The following NCK1 variants were observed in gnomAD, a reference collection of about 807,000 sequenced individuals.
NCK1 encodes the protein SH2/SH3 adapter protein NCK1.
A neutral mutation model predicts 36.6 loss-of-function variants in NCK1; 19 were observed. That is an observed-to-expected ratio of 0.52 (90% confidence interval 0.36 to 0.76). The LOEUF is 0.76. Among genes scored for constraint, NCK1 ranks in the 30% least tolerant of loss-of-function variants. The pLI is 0.00. For missense variants in NCK1, 358 were observed against 445.6 expected, an observed-to-expected ratio of 0.80 and a Z score of 1.77; for synonymous variants, 165 against 156.0, an observed-to-expected ratio of 1.06 and a Z score of -0.43.
At chr3:136,923,508 TCG>T (rs1171105600) in intron 1 of NCK1, among the ~76,000 whole-genome samples, 1 of 151,656 alleles carries the variant, frequency 6.6e-6, no homozygotes, top group African/African-American at 2.4e-5. Context: ...TGAGCCAGGG[TCG>T]CTCCACTGCA....
intron 2 of NCK1, among the ~76,000 whole-genome samples, chr3:136,944,567 G>C (rs867019005): frequency 1.3e-5 from 2 of 152,208 alleles, no homozygotes; most frequent in Middle Eastern, 3.2e-3. Context: ...AAAGATATGA[G>C]TGTGTTTTTA....
chr3:136,931,837 T>C (rs1400490303), intron 2 of NCK1, among the ~76,000 whole-genome samples: 1 of 152,146 alleles, frequency 6.6e-6, no homozygotes, highest in Non-Finnish European at 1.5e-5. Flanking sequence ...GAATCCATTG[T>C]GGCTAGGCGT....
chr3:136,878,517 G>A (rs906087600), intron 1 of NCK1, among the ~76,000 whole-genome samples: 4 of 152,148 alleles, frequency 2.6e-5, no homozygotes, highest in African/African-American at 9.7e-5. Context: ...TGGTTGCATA[G>A]GACTGGGAGT....
chr3:136,934,038 A>T (rs1430371566), intron 2 of NCK1, among the ~76,000 whole-genome samples: 1 of 152,138 alleles, frequency 6.6e-6, no homozygotes, highest in African/African-American at 2.4e-5. Flanking sequence ...ATTAAACACC[A>T]TAAGCACTAG....
At chr3:136,930,979 ACT>A (rs1491345558) in intron 2 of NCK1, among the ~76,000 whole-genome samples, 1 of 79,892 alleles carries the variant, frequency 1.3e-5, no homozygotes, top group Non-Finnish European at 2.8e-5. Context: ...TTTGGAATTA[ACT>A]TTTTTTTTTT....
chr3:136,938,737 G>T (rs951561997), intron 2 of NCK1, among the ~76,000 whole-genome samples: 1 of 152,172 alleles, frequency 6.6e-6, no homozygotes, highest in Non-Finnish European at 1.5e-5. Context: ...TGTCTTTAAA[G>T]AGAAACACAC....
intron 2 of NCK1, among the ~76,000 whole-genome samples, chr3:136,942,689 C>T (rs959256409): frequency 8.5e-5 from 13 of 152,192 alleles, no homozygotes; most frequent in Non-Finnish European, 1.8e-4. Context: ...TGGCCATGTG[C>T]ACGTCCTTCT....
chr3:136,928,616 C>A (rs761706096), intron 2 of NCK1: 13 of 172,272 alleles, frequency 7.5e-5, no homozygotes, highest in Non-Finnish European at 1.3e-4. Flanking sequence ...ATGTTTTGAA[C>A]TTCACTTAAA....
At chr3:136,897,501 C>A (rs550332605) in intron 1 of NCK1, among the ~76,000 whole-genome samples, 1 of 152,154 alleles carries the variant, frequency 6.6e-6, no homozygotes, top group Admixed American at 6.5e-5. Context: ...TTTTCATATA[C>A]TTGTTTGCCA....
At chr3:136,916,651 T>C (rs925603941) in intron 1 of NCK1, among the ~76,000 whole-genome samples, 7 of 152,202 alleles carry the variant, frequency 4.6e-5, no homozygotes, top group East Asian at 1.9e-4. Flanking sequence ...TTTGGAAATA[T>C]GTATAACTTG....
intron 2 of NCK1, among the ~76,000 whole-genome samples, chr3:136,931,732 T>C (rs1368609519): frequency 3.3e-5 from 5 of 152,056 alleles, no homozygotes; most frequent in African/African-American, 1.2e-4. Context: ...GGTGGAGAGG[T>C]ATATGATGAT....
intron 1 of NCK1, among the ~76,000 whole-genome samples, chr3:136,926,739 G>GT (rs556589518): frequency 3.3e-5 from 5 of 152,234 alleles, no homozygotes; most frequent in Admixed American, 3.3e-4. Flanking sequence ...GTTTTTAGAA[G>GT]TTTCCAAACG....
intron 1 of NCK1, among the ~76,000 whole-genome samples, chr3:136,886,205 T>C (rs1452515942): frequency 6.6e-6 from 1 of 152,148 alleles, no homozygotes; most frequent in Non-Finnish European, 1.5e-5. Flanking sequence ...AAAGTATATA[T>C]TTTTTGGTAG....
At chr3:136,900,310 T>C (rs193211868) in intron 1 of NCK1, among the ~76,000 whole-genome samples, 317 of 152,338 alleles carry the variant, frequency 2.1e-3, no homozygotes, top group Non-Finnish European at 3.8e-3. Context: ...GTGTCTGTCT[T>C]ATACCAGTAC....
intron 1 of NCK1, among the ~76,000 whole-genome samples, chr3:136,867,184 C>T (rs943891315): frequency 2.8e-5 from 2 of 71,450 alleles, no homozygotes; most frequent in African/African-American, 3.3e-5. Flanking sequence ...TTCCTTCTTT[C>T]TTTCTTTTCT....
chr3:136,913,521 G>T (rs1454454342), intron 1 of NCK1, among the ~76,000 whole-genome samples: 1 of 152,122 alleles, frequency 6.6e-6, no homozygotes, highest in African/African-American at 2.4e-5. Context: ...TCCCGCTTTG[G>T]CCTCTCAAAG....
chr3:136,923,361 C>G (rs1286526339), intron 1 of NCK1, among the ~76,000 whole-genome samples: 2 of 152,058 alleles, frequency 1.3e-5, no homozygotes, highest in African/African-American at 4.8e-5. Context: ...CGAAACCATC[C>G]TGGCTAACAC....
At chr3:136,897,684 C>T (rs1396789001) in intron 1 of NCK1, among the ~76,000 whole-genome samples, 1 of 152,046 alleles carries the variant, frequency 6.6e-6, no homozygotes, top group African/African-American at 2.4e-5. Flanking sequence ...GTCTCTTCAC[C>T]CTTTTTTTAG....
intron 1 of NCK1, among the ~76,000 whole-genome samples, chr3:136,888,859 TTTTG>T (rs929113909): frequency 3.3e-5 from 5 of 151,948 alleles, no homozygotes; most frequent in South Asian, 2.1e-4. Flanking sequence ...TCAATGTTTT[TTTTG>T]TTGTTTGTTT....
Sources: allele counts gnomAD v4.1 joint callset (sites outside exome capture counted in the v4.1 genomes callset), GRCh38; gene constraint gnomAD v4.1.1; transcripts MANE v1.5; gene names NCBI Gene and HGNC (gene_info 2026-07-23, HGNC 2026-07-21).